Variants in TAAR5 observed in about 807,000 individuals in gnomAD.
The protein encoded by TAAR5 is trace amine-associated receptor 5.
A neutral mutation model predicts 21.1 loss-of-function variants in TAAR5; 27 were observed. That is an observed-to-expected ratio of 1.28 (90% confidence interval 0.94 to 1.76). TAAR5 has a LOEUF of 1.76. Ranked by LOEUF, TAAR5 falls within the 40% of genes most tolerant of loss-of-function variation. The probability of loss-of-function intolerance (pLI) is 0.00; values close to 1 mark genes in which losing one functional copy is unlikely to be tolerated. For missense variants in TAAR5, 495 were observed against 405.6 expected, an observed-to-expected ratio of 1.22 and a Z score of -1.89; for synonymous variants, 203 against 167.5, an observed-to-expected ratio of 1.21 and a Z score of -1.64.
chr6:132,607,149 T>C, the TAAR5 span, among the ~76,000 whole-genome samples: 1 of 152,076 alleles, frequency 6.6e-6, no homozygotes, highest in Non-Finnish European at 1.5e-5. Context: ...GAGCCGAGAT[T>C]GTGCCACTGG....
At chr6:132,609,487 A>G in the TAAR5 span, among the ~76,000 whole-genome samples, 698 of 152,292 alleles carry the variant, frequency 4.6e-3, 4 homozygotes, top group Middle Eastern at 0.017. Context: ...GAAAAATGAC[A>G]ATTTTCAGCT....
At chr6:132,611,957 T>C in the TAAR5 span, among the ~76,000 whole-genome samples, 1 of 152,196 alleles carries the variant, frequency 6.6e-6, no homozygotes, top group Non-Finnish European at 1.5e-5. Context: ...AAGTCTCCTG[T>C]GTCATGTAAA....
chr6:132,605,684 A>G, the TAAR5 span, among the ~76,000 whole-genome samples: 2 of 152,178 alleles, frequency 1.3e-5, no homozygotes, highest in African/African-American at 4.8e-5. Flanking sequence ...CTACCTGGGT[A>G]ATGGGATTAT....
chr6:132,600,713 A>C, the TAAR5 span, among the ~76,000 whole-genome samples: 1 of 151,892 alleles, frequency 6.6e-6, no homozygotes, highest in Non-Finnish European at 1.5e-5. Flanking sequence ...ACTAATATAC[A>C]ATAAAGATAA....
the TAAR5 span, among the ~76,000 whole-genome samples, chr6:132,607,734 T>C: frequency 2.0e-5 from 3 of 152,094 alleles, no homozygotes; most frequent in Non-Finnish European, 4.4e-5. Context: ...AACTGAATAG[T>C]TTGTAAAAAT....
At chr6:132,607,055 T>C in the TAAR5 span, among the ~76,000 whole-genome samples, 27 of 151,888 alleles carry the variant, frequency 1.8e-4, no homozygotes, top group African/African-American at 6.5e-4. Context: ...GGTTGCCGGG[T>C]GTGATGGCAC....
At chr6:132,602,254 T>C in the TAAR5 span, among the ~76,000 whole-genome samples, 1 of 152,214 alleles carries the variant, frequency 6.6e-6, no homozygotes, top group Non-Finnish European at 1.5e-5. Flanking sequence ...TTGTGCACTT[T>C]ATTTCTATTA....
chr6:132,600,819 G>GGGAAGGAAGGAAGGAA, the TAAR5 span, among the ~76,000 whole-genome samples: 1 of 75,262 alleles, frequency 1.3e-5, no homozygotes, highest in African/African-American at 6.3e-5. Flanking sequence ...GAAGGAAGGA[G>GGGAAGGAAGGAAGGAA]GGAGGGAAGG....
chr6:132,595,263 G>A, the TAAR5 span: 22 of 153,472 alleles, frequency 1.4e-4, no homozygotes, highest in Non-Finnish European at 2.6e-4. Flanking sequence ...TGAAGTGAGC[G>A]ATGGAAATCA....
At chr6:132,604,886 G>A in the TAAR5 span, among the ~76,000 whole-genome samples, 227 of 152,250 alleles carry the variant, frequency 1.5e-3, 2 homozygotes, top group Middle Eastern at 0.01. Flanking sequence ...GCAGGGAACC[G>A]CCACCTCAAC....
chr6:132,600,391 GC>G, the TAAR5 span, among the ~76,000 whole-genome samples: 1 of 152,084 alleles, frequency 6.6e-6, no homozygotes, highest in Non-Finnish European at 1.5e-5. Context: ...ATGGTATTTG[GC>G]TAAATAAGAT....
Position 132,588,918 on chromosome 6 carries a change from C to G in TAAR5, c.769G>C (p.Ala257Pro), listed in dbSNP as rs760570793. Residue 257 changes from alanine to proline, a missense_variant, in exon 1 of 1, where the codon GCT becomes CCT. Coordinates refer to ENST00000258034, the MANE Select transcript of TAAR5 (RefSeq NM_003967.3). ...ERKAAKTLGI[A>P]VGIYLLCWLP... ...CAGCACAAGAGGTATATGCCCACAG[C>G]AATGCCCAGGGTCTTGGCAGCTTTT... The G allele has an allele frequency of 6.2e-7, 1 of 1,614,144 alleles. No homozygotes were observed. Among genetic ancestry groups the G allele is most frequent in the African/African-American group, 1.3e-5 (1 of 75,040 alleles).
the TAAR5 span, among the ~76,000 whole-genome samples, chr6:132,604,968 C>T: frequency 6.6e-6 from 1 of 152,182 alleles, no homozygotes; most frequent in Admixed American, 6.6e-5. Context: ...AGAGGGACTC[C>T]AGATGGCCTT....
At chr6:132,616,153 A>C in the TAAR5 span, among the ~76,000 whole-genome samples, 1 of 152,300 alleles carries the variant, frequency 6.6e-6, no homozygotes, top group Middle Eastern at 3.4e-3. Context: ...TGTATATACC[A>C]TGGAAATCAT....
At position 132,589,601 on chromosome 6, in the gene TAAR5, T is replaced by TTG. The variant is rs755074608; in HGVS notation, c.85_86insCA (p.His29ProfsTer19). 1.2e-6 allele frequency: 2 copies of TTG among 1,613,920 alleles called. No individual in the cohort carries two copies. Among genetic ancestry groups the TTG allele is most frequent in the South Asian group, 2.2e-5 (2 of 91,074 alleles). On this transcript the variant is annotated frameshift_variant, in exon 1 of 1. Transcript: ENST00000258034. LOFTEE classifies it high-confidence loss of function. The stretch of plus-strand genomic sequence containing the variant: ...GATGACCAACTGGATGCCCAGAGTA[T>TTG]GTACTGTCCTGGGGCAAGACCCATT...
chr6:132,612,124 A>G, the TAAR5 span, among the ~76,000 whole-genome samples: 6 of 152,254 alleles, frequency 3.9e-5, no homozygotes, highest in East Asian at 5.8e-4. Context: ...GCCCCATTTG[A>G]GCACATTAGT....
chr6:132,612,771 A>G, the TAAR5 span, among the ~76,000 whole-genome samples: 14 of 152,264 alleles, frequency 9.2e-5, no homozygotes, highest in South Asian at 2.9e-3. Context: ...TCTTCCAGTT[A>G]AAACTCACAT....
At chr6:132,608,968 C>T in the TAAR5 span, 3 of 455,780 alleles carry the variant, frequency 6.6e-6, no homozygotes, top group South Asian at 4.6e-5. Flanking sequence ...GTGGAATTTA[C>T]AAAAGCCATC....
chr6:132,606,260 A>G, the TAAR5 span, among the ~76,000 whole-genome samples: 1 of 152,214 alleles, frequency 6.6e-6, no homozygotes, highest in Non-Finnish European at 1.5e-5. Flanking sequence ...CTAAAATTAA[A>G]GTTTAAATAA....
Sources: allele counts gnomAD v4.1 joint callset (sites outside exome capture counted in the v4.1 genomes callset), GRCh38; gene constraint gnomAD v4.1.1; transcripts MANE v1.5; gene names NCBI Gene and HGNC (gene_info 2026-07-23, HGNC 2026-07-21).